Variants in PCDH11Y observed in about 807,000 individuals in gnomAD.
The protein encoded by PCDH11Y is protocadherin-11 Y-linked.
For synonymous variants in PCDH11Y, 9 were observed against 83.6 expected (o/e 0.11, Z 4.87); for missense variants, 12 against 224.8 (o/e 0.05, Z 6.05).
At chrY:5,158,208 C>T in intron 2 of PCDH11Y, among the ~76,000 whole-genome samples, 1 of 30,325 alleles carries the variant, frequency 3.3e-5, no homozygotes, top group Non-Finnish European at 8.0e-5. Flanking sequence ...ACTAACTTTA[C>T]TGGAACCATC....
intron 2 of PCDH11Y, among the ~76,000 whole-genome samples, chrY:5,385,538 C>T (rs2053212960): frequency 3.1e-5 from 1 of 32,363 alleles, no homozygotes; most frequent in Admixed American, 2.8e-4. Context: ...TTTATCCACT[C>T]GTTGAGTGAT....
chrY:5,408,179 G>A (rs2053242798), intron 2 of PCDH11Y, among the ~76,000 whole-genome samples: 1 of 33,086 alleles, frequency 3.0e-5, no homozygotes, highest in South Asian at 6.6e-4. Context: ...ATGATGTAAT[G>A]TGGAACCCTA....
chrY:5,001,815 C>T (rs2052531152), intron 1 of PCDH11Y, among the ~76,000 whole-genome samples: 1 of 34,077 alleles, frequency 2.9e-5, no homozygotes, highest in Non-Finnish European at 7.3e-5. Flanking sequence ...TTGCCTCTCC[C>T]AGGGAAAGAC....
At chrY:5,107,976 G>T (rs373712541), downstream of PCDH11Y, among the ~76,000 whole-genome samples, 1 of 28,721 alleles carries the variant, frequency 3.5e-5, no homozygotes. Context: ...GGAGAATGGC[G>T]TGAACCCGGG....
chrY:5,652,541 A>T, intron 4 of PCDH11Y, among the ~76,000 whole-genome samples: 4 of 32,831 alleles, frequency 1.2e-4, no homozygotes, highest in Admixed American at 1.1e-3. Context: ...AAAAAAAAAA[A>T]TGTCCTACTT....
intron 3 of PCDH11Y, among the ~76,000 whole-genome samples, chrY:5,540,120 C>T: frequency 3.1e-5 from 1 of 32,466 alleles, no homozygotes; most frequent in Admixed American, 2.9e-4. Context: ...CCCTGCCTTT[C>T]TCCTTTCCTT....
intron 2 of PCDH11Y, among the ~76,000 whole-genome samples, chrY:5,302,684 C>A (rs2124663408): frequency 3.3e-5 from 1 of 29,938 alleles, no homozygotes; most frequent in Admixed American, 3.2e-4. Context: ...CCGTCTTCTG[C>A]ATACCTGTTA....
intron 4 of PCDH11Y, among the ~76,000 whole-genome samples, chrY:5,620,992 A>C: frequency 6.1e-5 from 2 of 32,966 alleles, no homozygotes; most frequent in Admixed American, 2.8e-4. Flanking sequence ...GGCACAAGGC[A>C]AGGATGCCCT....
intron 2 of PCDH11Y, among the ~76,000 whole-genome samples, chrY:5,212,258 C>A (rs2052939632): frequency 3.5e-5 from 1 of 28,442 alleles, no homozygotes; most frequent in Non-Finnish European, 8.2e-5. Flanking sequence ...TTGAGAAATA[C>A]AACAAGAGTC....
At chrY:5,573,591 G>T in intron 3 of PCDH11Y, 1 of 289,861 alleles carries the variant, frequency 3.4e-6, no homozygotes, top group Non-Finnish European at 5.3e-6. Flanking sequence ...TGCCTGCATC[G>T]TTCTACATAT....
At chrY:5,689,449 C>T (rs1602960409) in intron 4 of PCDH11Y, among the ~76,000 whole-genome samples, 3 of 33,001 alleles carry the variant, frequency 9.1e-5, no homozygotes, top group South Asian at 1.3e-3. Flanking sequence ...TTTTAATGTG[C>T]GTGTCTTGCT....
chrY:5,436,494 A>T, intron 2 of PCDH11Y, among the ~76,000 whole-genome samples: 1 of 33,222 alleles, frequency 3.0e-5, no homozygotes, highest in Non-Finnish European at 7.4e-5. Context: ...ATTTTATACA[A>T]TTCAAAATAA....
At chrY:5,641,544 G>A in intron 4 of PCDH11Y, among the ~76,000 whole-genome samples, 1 of 33,304 alleles carries the variant, frequency 3.0e-5, no homozygotes, top group Non-Finnish European at 7.4e-5. Flanking sequence ...AAAATGGCTG[G>A]TCAGTGGAGT....
chrY:5,377,812 G>A, intron 2 of PCDH11Y, among the ~76,000 whole-genome samples: 4 of 33,172 alleles, frequency 1.2e-4, no homozygotes, highest in Admixed American at 2.8e-4. Flanking sequence ...GTGCAGTGGC[G>A]TGATCTCGGC....
At chrY:5,356,433 C>A (rs2053166009) in intron 2 of PCDH11Y, among the ~76,000 whole-genome samples, 1 of 31,246 alleles carries the variant, frequency 3.2e-5, no homozygotes, top group African/African-American at 1.3e-4. Flanking sequence ...TTTCTTCAGA[C>A]CCCCAATAAA....
chrY:5,497,093 C>A (rs2053345672), intron 2 of PCDH11Y, among the ~76,000 whole-genome samples: 3 of 33,417 alleles, frequency 9.0e-5, no homozygotes, highest in Admixed American at 8.2e-4. Context: ...GTGAACAGTG[C>A]CGCAATAAAC....
At chrY:5,294,609 CAA>C (rs35219659) in intron 2 of PCDH11Y, among the ~76,000 whole-genome samples, 1 of 26,722 alleles carries the variant, frequency 3.7e-5, no homozygotes, top group Admixed American at 3.5e-4. Flanking sequence ...AACAAACATG[CAA>C]AAAAAAAAAC....
intron 2 of PCDH11Y, among the ~76,000 whole-genome samples, chrY:5,122,198 G>T: frequency 6.1e-5 from 2 of 32,602 alleles, no homozygotes; most frequent in South Asian, 1.4e-3. Context: ...GCCCTAAGGG[G>T]TCTCCTTTAT....
intron 2 of PCDH11Y, among the ~76,000 whole-genome samples, chrY:5,332,002 A>C (rs1602906110): frequency 2.7e-4 from 9 of 33,917 alleles, no homozygotes; most frequent in African/African-American, 6.9e-4. Context: ...CACGCCTGTA[A>C]TCCCAGTACT....
Sources: allele counts gnomAD v4.1 joint callset (sites outside exome capture counted in the v4.1 genomes callset), GRCh38; gene constraint gnomAD v4.1.1; transcripts MANE v1.5; gene names NCBI Gene and HGNC (gene_info 2026-07-23, HGNC 2026-07-21).